Variants in IQSEC1 observed in about 807,000 individuals in gnomAD.
IQSEC1 encodes the protein IQ motif and Sec7 domain ArfGEF 1, also known as IQ motif and SEC7 domain-containing protein 1.
IQSEC1 carries 31 observed loss-of-function variants against 91.0 expected under a neutral mutation model. The observed-to-expected ratio is 0.34, with a 90% confidence interval of 0.26 to 0.46. IQSEC1 has a LOEUF of 0.46. Ranked by LOEUF, IQSEC1 falls within the 20% of genes least tolerant of loss-of-function variation. The pLI, the probability that IQSEC1 is intolerant of heterozygous loss-of-function variation, is 1.00. For missense variants in IQSEC1, 1,388 were observed against 1,575.6 expected (o/e 0.88, Z 2.02); for synonymous variants, 699 against 662.6 (o/e 1.05, Z -0.84).
chr3:12,932,900 C>G, intron 3 of IQSEC1, among the ~76,000 whole-genome samples: 1 of 152,206 alleles, frequency 6.6e-6, no homozygotes, highest in Non-Finnish European at 1.5e-5. Context: ...TGGTAGACCT[C>G]GGCAGCCCCC....
intron 1 of IQSEC1, among the ~76,000 whole-genome samples, chr3:12,951,117 A>C (rs1240571274): frequency 6.6e-6 from 1 of 152,136 alleles, no homozygotes; most frequent in Non-Finnish European, 1.5e-5. Context: ...CCTCTAAAAA[A>C]CTTTTAAAAA....
At chr3:12,927,355 G>A (rs914933083) in intron 3 of IQSEC1, among the ~76,000 whole-genome samples, 3 of 152,130 alleles carry the variant, frequency 2.0e-5, no homozygotes, top group Non-Finnish European at 2.9e-5. Flanking sequence ...TGGGGGAGCC[G>A]GGCTAGGCTC....
chr3:13,075,687 A>G (rs1705551422), upstream of IQSEC1, among the ~76,000 whole-genome samples: 1 of 152,250 alleles, frequency 6.6e-6, no homozygotes, highest in South Asian at 2.1e-4. Context: ...TACAAATGCC[A>G]AGATTTTAGG....
intron 1 of IQSEC1, among the ~76,000 whole-genome samples, chr3:13,036,753 C>G (rs1043053836): frequency 1.3e-5 from 2 of 152,172 alleles, no homozygotes; most frequent in African/African-American, 4.8e-5. Flanking sequence ...GGAGCTTGTC[C>G]CAAAGTGAGT....
At chr3:12,962,958 C>T (rs1215083663) in intron 1 of IQSEC1, among the ~76,000 whole-genome samples, 1 of 152,192 alleles carries the variant, frequency 6.6e-6, no homozygotes, top group African/African-American at 2.4e-5. Flanking sequence ...AAGCAAAAGG[C>T]TCCATTCATG....
At chr3:13,265,156 G>A (rs985005510) in intron 1 of IQSEC1, among the ~76,000 whole-genome samples, 7 of 152,122 alleles carry the variant, frequency 4.6e-5, no homozygotes, top group South Asian at 2.1e-4. Flanking sequence ...CCTCCTCCTC[G>A]GCCCGTGCAG....
chr3:12,903,592 G>A (rs1694622799), intron 12 of IQSEC1, among the ~76,000 whole-genome samples: 1 of 152,216 alleles, frequency 6.6e-6, no homozygotes, highest in Non-Finnish European at 1.5e-5. Flanking sequence ...GGCATGCGGG[G>A]TCCGTCAGAG....
intron 1 of IQSEC1, among the ~76,000 whole-genome samples, chr3:13,017,712 G>A (rs563748928): frequency 5.6e-4 from 86 of 152,276 alleles, no homozygotes; most frequent in African/African-American, 1.9e-3. Flanking sequence ...GAGAGGGGGC[G>A]GCAGTCACTA....
chr3:13,012,104 A>C (rs886992939), intron 1 of IQSEC1, among the ~76,000 whole-genome samples: 3 of 152,294 alleles, frequency 2.0e-5, no homozygotes, highest in African/African-American at 7.2e-5. Flanking sequence ...CTAAGTGCTC[A>C]TTCCCTCTTT....
At chr3:13,183,653 C>T (rs1693883883) in intron 1 of IQSEC1, among the ~76,000 whole-genome samples, 4 of 152,118 alleles carry the variant, frequency 2.6e-5, no homozygotes, top group Admixed American at 2.6e-4. Context: ...ACCCTCTAGA[C>T]CAAGGGACAG....
chr3:13,068,717 C>T (rs1705318418), intron 1 of IQSEC1, among the ~76,000 whole-genome samples: 1 of 152,186 alleles, frequency 6.6e-6, no homozygotes. Context: ...AGGGCCTCTG[C>T]ACTTGCTGTC....
chr3:12,959,653 A>T (rs775711136), intron 1 of IQSEC1, among the ~76,000 whole-genome samples: 1 of 152,124 alleles, frequency 6.6e-6, no homozygotes, highest in Non-Finnish European at 1.5e-5. Flanking sequence ...TGCCCCAAGC[A>T]CCCGCCCCAG....
intron 1 of IQSEC1, among the ~76,000 whole-genome samples, chr3:13,009,087 A>C (rs1702759578): frequency 6.6e-6 from 1 of 152,178 alleles, no homozygotes; most frequent in African/African-American, 2.4e-5. Flanking sequence ...CCACACAGGG[A>C]AGGAATCCTG....
chr3:12,969,447 G>T (rs1700787821), intron 1 of IQSEC1, among the ~76,000 whole-genome samples: 1 of 152,178 alleles, frequency 6.6e-6, no homozygotes, highest in South Asian at 2.1e-4. Flanking sequence ...AGAGGGTTCT[G>T]GAAGGAGAAG....
Position 12,935,488 on chromosome 3 carries a change from G to A in IQSEC1, c.1528C>T (p.Arg510Cys), listed in dbSNP as rs1298913747. 4.3e-6 allele frequency: 7 copies of A among 1,613,602 alleles called. No individual in the cohort carries two copies. Among genetic ancestry groups the A allele is most frequent in the Non-Finnish European group, 5.9e-6 (7 of 1,179,730 alleles). The change falls in exon 3 of 14, where the codon CGC becomes TGC. Residue 510 changes from arginine (R) to cysteine (C), a missense_variant. Transcript: ENST00000613206. This position sits in a 1 kb window ranked among gnomAD's most constrained non-coding sequence, Gnocchi z 8.0. The stretch of plus-strand genomic sequence containing the variant: ...AGGCCGATGCGGTAGTGCCTCTTGC[G>A]GATGACATCGTTGCTAAAGGCAGGC... Reference protein sequence around the residue: ...DSPAFSNDVIRKRHYRIGLNL... With the variant: ...DSPAFSNDVICKRHYRIGLNL...
intron 1 of IQSEC1, among the ~76,000 whole-genome samples, chr3:13,011,116 C>G (rs1291751229): frequency 6.6e-6 from 1 of 151,978 alleles, no homozygotes; most frequent in African/African-American, 2.4e-5. Context: ...CTCACTGTAT[C>G]ATTTAAGAAA....
intron 2 of IQSEC1, among the ~76,000 whole-genome samples, chr3:13,100,939 A>G (rs884467): frequency 0.31 from 46,441 of 147,532 alleles, 10,182 homozygotes; most frequent in East Asian, 0.45. Flanking sequence ...CCGAGAGGCA[A>G]TCTTTGAATT....
At chr3:13,232,512 C>T (rs369904429) in intron 1 of IQSEC1, among the ~76,000 whole-genome samples, 4 of 152,076 alleles carry the variant, frequency 2.6e-5, no homozygotes, top group Non-Finnish European at 5.9e-5. Context: ...AGAAGAAAGG[C>T]GGGGAGGCCT....
intron 2 of IQSEC1, among the ~76,000 whole-genome samples, chr3:13,135,771 C>T (rs778210975): frequency 4.6e-5 from 7 of 152,184 alleles, no homozygotes; most frequent in Non-Finnish European, 8.8e-5. Context: ...TTAGGAGGAA[C>T]GGGTTACAGG....
Sources: allele counts gnomAD v4.1 joint callset (sites outside exome capture counted in the v4.1 genomes callset), GRCh38; gene constraint gnomAD v4.1.1; non-coding constraint Gnocchi (gnomAD v3.1); transcripts MANE v1.5; gene names NCBI Gene and HGNC (gene_info 2026-07-23, HGNC 2026-07-21).